The following FAT3 variants were observed in gnomAD, a reference collection of about 807,000 sequenced individuals.
FAT3 encodes FAT atypical cadherin 3.
A neutral mutation model predicts 310.2 loss-of-function variants in FAT3; 95 were observed. That is an observed-to-expected ratio of 0.31 (90% confidence interval 0.26 to 0.36). FAT3 has a LOEUF of 0.36. Ranked by LOEUF, FAT3 falls within the 10% of genes least tolerant of loss-of-function variation. The probability of loss-of-function intolerance (pLI) is 1.00; values close to 1 mark genes in which losing one functional copy is unlikely to be tolerated. For missense variants in FAT3, 5,408 were observed against 5,715.6 expected, an observed-to-expected ratio of 0.95 and a Z score of 1.74; for synonymous variants, 2,314 against 2,192.9, an observed-to-expected ratio of 1.06 and a Z score of -1.54.
chr11:92,678,276 A>G (rs1273268898), intron 3 of FAT3, among the ~76,000 whole-genome samples: 2 of 152,216 alleles, frequency 1.3e-5, no homozygotes, highest in African/African-American at 4.8e-5. Context: ...AGAGGGGACC[A>G]GTCAGAGGTA....
chr11:92,800,668 T>G lies in FAT3; in HGVS notation c.7655T>G (p.Val2552Gly). The change falls in exon 10 of 28, where the codon GTC becomes GGC. Residue 2552 changes from valine (V) to glycine (G), a missense_variant. By Grantham distance (109) the Val-to-Gly change is moderately radical. Around this residue, in one of 5 missense-constraint regions of FAT3, gnomAD observed 4,588 missense variants for 4,809.8 expected, o/e 0.95. Coordinates refer to ENST00000525166, the MANE Select transcript of FAT3 (RefSeq NM_001367949.2). ...DRFLIDSNGQ[V>G]ITTERLDREN... is the part of the protein sequence containing the mutation. ...TTCCTCATAGACAGCAATGGGCAGG[T>G]CATCACCACAGAAAGGCTAGACCGG... 1 of 1,613,782 alleles carries G rather than the reference T, an allele frequency of 6.2e-7. No individual in the cohort carries two copies. Among genetic ancestry groups the G allele is most frequent in the Non-Finnish European group, 8.5e-7 (1 of 1,179,824 alleles).
chr11:92,815,706 T>A (rs1947805436), intron 13 of FAT3, among the ~76,000 whole-genome samples: 1 of 152,200 alleles, frequency 6.6e-6, no homozygotes, highest in Non-Finnish European at 1.5e-5. Flanking sequence ...ATTTCAAACA[T>A]GGGCACCAGG....
intron 3 of FAT3, among the ~76,000 whole-genome samples, chr11:92,693,434 G>T (rs919169404): frequency 6.6e-6 from 1 of 152,202 alleles, no homozygotes; most frequent in African/African-American, 2.4e-5. Flanking sequence ...CAGAGTGGTT[G>T]AGGAGGGAGG....
At chr11:92,840,366 A>G (rs1438325149) in intron 17 of FAT3, among the ~76,000 whole-genome samples, 196 bp from the exon 18 acceptor site, 1 of 152,194 alleles carries the variant, frequency 6.6e-6, no homozygotes, top group Admixed American at 6.5e-5. Flanking sequence ...AAGGAACATG[A>G]CACTTACAGA....
intron 3 of FAT3, among the ~76,000 whole-genome samples, chr11:92,657,229 G>A (rs1328304640): frequency 4.6e-5 from 7 of 152,188 alleles, no homozygotes; most frequent in African/African-American, 1.7e-4. Flanking sequence ...ATTACTCCAA[G>A]TGGTTGGTCA....
At chr11:92,797,333 T>C (rs1385189522) in intron 9 of FAT3, among the ~76,000 whole-genome samples, 1 of 152,200 alleles carries the variant, frequency 6.6e-6, no homozygotes, top group Non-Finnish European at 1.5e-5. Flanking sequence ...AAGTTTGCTT[T>C]TGGGATAATC....
chr11:92,809,725 G>A (rs1010907538), intron 12 of FAT3, 118 bp from the exon 13 acceptor site: 2 of 737,260 alleles, frequency 2.7e-6, no homozygotes, highest in Admixed American at 2.9e-5. Flanking sequence ...GGACACTTGG[G>A]CCAAATGATG....
intron 1 of FAT3, among the ~76,000 whole-genome samples, chr11:92,258,214 A>G (rs1019170817): frequency 6.6e-6 from 1 of 152,156 alleles, no homozygotes; most frequent in Non-Finnish European, 1.5e-5. Flanking sequence ...CATTGGAACA[A>G]TAAGTGTGAG....
chr11:92,330,930 G>A (rs1947902299), intron 1 of FAT3, among the ~76,000 whole-genome samples: 1 of 151,616 alleles, frequency 6.6e-6, no homozygotes, highest in South Asian at 2.1e-4. Context: ...AGTAAAGGAA[G>A]GGATTTCTTG....
At chr11:92,626,477 T>C (rs562655891) in intron 3 of FAT3, among the ~76,000 whole-genome samples, 2 of 152,074 alleles carry the variant, frequency 1.3e-5, no homozygotes, top group Non-Finnish European at 2.9e-5. Context: ...ATCTCTTTTT[T>C]TTTTTTTCCC....
intron 4 of FAT3, among the ~76,000 whole-genome samples, chr11:92,739,355 T>A (rs1945441730): frequency 6.6e-6 from 1 of 152,142 alleles, no homozygotes. Flanking sequence ...ATGGTAATGG[T>A]CCTATCCACT....
At chr11:92,258,490 A>G (rs986484663) in intron 1 of FAT3, among the ~76,000 whole-genome samples, 1 of 152,054 alleles carries the variant, frequency 6.6e-6, no homozygotes, top group Non-Finnish European at 1.5e-5. Flanking sequence ...GTATAGGAGC[A>G]TGAAAGAAGC....
At chr11:92,646,143 G>A (rs942935979) in intron 3 of FAT3, among the ~76,000 whole-genome samples, 2 of 152,204 alleles carry the variant, frequency 1.3e-5, no homozygotes, top group African/African-American at 2.4e-5. Context: ...AGTTCCGGAT[G>A]GCATTGATGG....
intron 4 of FAT3, among the ~76,000 whole-genome samples, chr11:92,715,699 T>G (rs538818860): frequency 6.6e-6 from 1 of 152,202 alleles, no homozygotes; most frequent in East Asian, 1.9e-4. Flanking sequence ...TGATAAAATT[T>G]TATACCCAAC....
At position 92,476,527 on chromosome 11, in the gene FAT3, A is replaced by G. The variant is rs1012894145; in HGVS notation, c.3293-48107A>G. ...ATACACATGCAGAAAGCACAAAATGAGGCAATAACATGAGATGCTGCAGAA... is the reference window on the plus strand; with the variant it reads ...ATACACATGCAGAAAGCACAAAATGGGGCAATAACATGAGATGCTGCAGAA... On this transcript the variant is annotated intron_variant, in intron 2 of 27. Coordinates refer to ENST00000525166, the MANE Select transcript of FAT3 (RefSeq NM_001367949.2). Among the ~76,000 whole-genome samples the G allele has an allele frequency of 6.6e-5, 10 of 152,200 alleles. No individual in the cohort carries two copies. In the East Asian group the frequency reaches 1.5e-3, roughly 23 times the overall value.
chr11:92,229,489 C>CTTTTTTTTTTTTTT (rs1565339181), intron 1 of FAT3, among the ~76,000 whole-genome samples: 6 of 48,656 alleles, frequency 1.2e-4, no homozygotes, highest in Admixed American at 2.2e-4. Flanking sequence ...TTTGTTTTTT[C>CTTTTTTTTTTTTTT]GTGTTTTTTT....
intron 2 of FAT3, among the ~76,000 whole-genome samples, chr11:92,490,133 A>G (rs1318212388): frequency 3.3e-5 from 5 of 152,110 alleles, no homozygotes; most frequent in Non-Finnish European, 2.9e-5. Flanking sequence ...AGAATTAGTT[A>G]TAATTGTTTT....
intron 3 of FAT3, among the ~76,000 whole-genome samples, chr11:92,617,271 G>C (rs1320800306): frequency 6.6e-6 from 1 of 151,972 alleles, no homozygotes; most frequent in African/African-American, 2.4e-5. Context: ...GATCAAATTA[G>C]CTACTGAAGC....
At chr11:92,823,888 C>T (rs1299035892) in intron 13 of FAT3, among the ~76,000 whole-genome samples, 2 of 152,092 alleles carry the variant, frequency 1.3e-5, no homozygotes, top group Non-Finnish European at 2.9e-5. Flanking sequence ...TTCCATGGGC[C>T]TCTTCATGGC....
Sources: gnomAD v4.1 joint callset for allele counts (sites outside exome capture counted in the v4.1 genomes callset) on GRCh38, gnomAD v4.1.1 for gene constraint, gnomAD v4.1.1 regional missense constraint, MANE v1.5 for transcripts, NCBI Gene and HGNC (gene_info 2026-07-23, HGNC 2026-07-21) for gene names.